The following ZNF699 variants were observed in gnomAD, a reference collection of about 807,000 sequenced individuals.
ZNF699 encodes zinc finger protein 699, also known as hangover homolog.
A neutral mutation model predicts 22.5 loss-of-function variants in ZNF699; 18 were observed. That is an observed-to-expected ratio of 0.80 (90% CI 0.55 to 1.19). The LOEUF (loss-of-function observed/expected upper bound fraction) is 1.19. Ranked by LOEUF, ZNF699 falls within the 50% of genes most tolerant of loss-of-function variation. The pLI is 0.00. For missense variants in ZNF699, 670 were observed against 763.4 expected, an observed-to-expected ratio of 0.88 and a Z score of 1.44; for synonymous variants, 241 against 262.3, an observed-to-expected ratio of 0.92 and a Z score of 0.78.
At chr19:9,299,968 A>G (rs776479891) in intron 3 of ZNF699, among the ~76,000 whole-genome samples, 5 of 152,228 alleles carry the variant, frequency 3.3e-5, no homozygotes, top group South Asian at 2.1e-4. Flanking sequence ...GCTCAACATC[A>G]TAAGTCATCA....
rs1372293776 is a variant in ZNF699, at chr19:9,296,033, A to C, written c.1371T>G (p.Ser457Arg). Residue 457 changes from serine to arginine, a missense_variant, in exon 6 of 6, where the codon AGT becomes AGG. By Grantham distance (110) the Ser-to-Arg change is moderately radical. Coordinates refer to ENST00000591998, the MANE Select transcript of ZNF699 (RefSeq NM_198535.3). ...YECKECGKAFSCPSSFRAHVR... is the reference protein window; with the variant it reads ...YECKECGKAFRCPSSFRAHVR... ...CATGTGCTCTAAAGGACGAGGGACA[A>C]CTAAAGGCCTTCCCACATTCCTTAC... 1 of 1,613,864 alleles carries C rather than the reference A, an allele frequency of 6.2e-7. No individual in the cohort carries two copies. The highest frequency in any genetic ancestry group is 8.5e-7 in the Non-Finnish European group (1 of 1,179,988).
Position 9,297,255 on chromosome 19 carries a change from C to G in ZNF699, c.470+41G>C. 5.2e-6 allele frequency: 8 copies of G among 1,529,056 alleles called. No individual in the cohort carries two copies. Among genetic ancestry groups the G allele is most frequent in the Non-Finnish European group, 6.1e-6 (7 of 1,143,000 alleles). The allele number at this position is 1,529,056 out of a possible 1,614,324, so 94.7% of individuals were successfully genotyped here. A position where few individuals can be genotyped will look rare whatever the true frequency, so the allele number is the denominator to read the frequency against. ...ATTTCATGACTTTAATTTTAAGATT[C>G]TCTCCTGAGGCACTTTCTCTTTCTC... On this transcript the variant is annotated intron_variant, in intron 5 of 5. Coordinates refer to ENST00000591998, the MANE Select transcript of ZNF699 (RefSeq NM_198535.3). This position sits in a 1 kb window ranked among gnomAD's most constrained non-coding sequence, Gnocchi z 4.3.
chr19:9,304,055 A>G (rs1424423535), intron 2 of ZNF699, among the ~76,000 whole-genome samples: 2 of 152,092 alleles, frequency 1.3e-5, no homozygotes, highest in Non-Finnish European at 2.9e-5. Context: ...TCCTGACCTC[A>G]GGCAGTCTGC....
chr19:9,305,485 A>C (rs1568347153), intron 1 of ZNF699, among the ~76,000 whole-genome samples: 2 of 152,188 alleles, frequency 1.3e-5, no homozygotes, highest in African/African-American at 4.8e-5. Context: ...AAAAAGTATA[A>C]AATGTATCAG....
At position 9,295,955 on chromosome 19, in the gene ZNF699, G is replaced by T. The variant is rs746603760; in HGVS notation, c.1449C>A (p.Thr483=). ...IQYECKECGK[T]FSRSSSLTEH... The stretch of plus-strand genomic sequence containing the variant: ...CGGTGAGGGATGAGGAACGACTAAA[G>T]GTCTTCCCACACTCCTTACATTCAT... Residue 483 remains threonine, a synonymous_variant, in exon 6 of 6, where the codon ACC becomes ACA. Coordinates refer to ENST00000591998, the MANE Select transcript of ZNF699 (RefSeq NM_198535.3). 1.2e-6 allele frequency: 2 copies of T among 1,613,822 alleles called. No homozygotes were observed. Among genetic ancestry groups the T allele is most frequent in the Non-Finnish European group, 1.7e-6 (2 of 1,179,972 alleles).
rs1415222637 is a variant in ZNF699, at chr19:9,293,123, C to T, written c.*2352G>A. ...GCACTCCAACCTGGGCACAAGAGTC[C>T]GTCTCAAAAAAAAAAAAAAAGAAAA... On this transcript the variant is annotated 3_prime_UTR_variant, in exon 6 of 6. Transcript: ENST00000591998. Among the ~76,000 whole-genome samples the T allele has an allele frequency of 7.4e-6, 1 of 135,456 alleles. No individual in the cohort carries two copies. The highest frequency in any genetic ancestry group is 1.5e-5 in the Non-Finnish European group (1 of 65,000). 88.9% of individuals were successfully genotyped at this position (135,456 alleles called of 152,430 possible).
chr19:9,303,844 G>A (rs1399594914), intron 2 of ZNF699, among the ~76,000 whole-genome samples: 1 of 151,160 alleles, frequency 6.6e-6, no homozygotes, highest in Non-Finnish European at 1.5e-5. Context: ...TTGAGATGGG[G>A]TCTCGCTCTG....
intron 2 of ZNF699, 78 bp downstream of exon 2, chr19:9,304,994 T>C: frequency 8.6e-7 from 1 of 1,157,498 alleles, no homozygotes; most frequent in Non-Finnish European, 1.3e-6. Context: ...AAGAGATTGC[T>C]GGCTTGTGCC....
At chr19:9,299,445 A>G (rs184246419) in intron 3 of ZNF699, among the ~76,000 whole-genome samples, 1 of 149,788 alleles carries the variant, frequency 6.7e-6, no homozygotes. Context: ...GACATTTTTA[A>G]TTTTTTTTTT....
intron 3 of ZNF699, among the ~76,000 whole-genome samples, chr19:9,302,089 A>G (rs1407379165): frequency 3.3e-5 from 5 of 152,014 alleles, no homozygotes; most frequent in African/African-American, 1.2e-4. Flanking sequence ...TTTAGTAGAG[A>G]CGGGGTTTCT....
chr19:9,306,530 CTG>C lies in ZNF699; in HGVS notation c.-5-1408_-5-1407del, dbSNP rs748811215. Among the ~76,000 whole-genome samples the C allele has an allele frequency of 5.1e-4, 78 of 152,212 alleles. 1 individual carries two copies. The highest frequency in any genetic ancestry group is 9.2e-4 in the Admixed American group (14 of 15,276). The stretch of plus-strand genomic sequence containing the variant: ...AGCATTTTAAAAAGCCAATAAAAAA[CTG>C]TAACATTCTTTGCTGTATTAGTAAC... On this transcript the variant is annotated intron_variant, in intron 1 of 5. Coordinates refer to ENST00000591998, the MANE Select transcript of ZNF699 (RefSeq NM_198535.3).
In ZNF699 at chr19:9,296,629, C is replaced by T. The variant is rs903358434; in HGVS notation, c.775G>A (p.Ala259Thr). The T allele has an allele frequency of 5.0e-6, 8 of 1,614,126 alleles. No individual in the cohort carries two copies. Among genetic ancestry groups the T allele is most frequent in the Non-Finnish European group, 5.9e-6 (7 of 1,180,024 alleles). ...KPYECKECTKAFSCSSFFRAH... is the reference protein window; with the variant it reads ...KPYECKECTKTFSCSSFFRAH... Reference sequence around the variant, plus strand: ...CTAAAGAATGAGGAACAGCTGAAGGCTTTGGTACATTCCTTACATTCATAG... The same window carrying T: ...CTAAAGAATGAGGAACAGCTGAAGGTTTTGGTACATTCCTTACATTCATAG... Residue 259 changes from alanine to threonine, a missense_variant, in exon 6 of 6, where the codon GCC becomes ACC. Transcript: ENST00000591998.
rs1322514139 is a variant in ZNF699 at position 9,296,323 on chromosome 19, T to A, written c.1081A>T (p.Lys361Ter). The A allele has an allele frequency of 1.2e-6, 2 of 1,613,764 alleles. No individual in the cohort carries two copies. The highest frequency in any genetic ancestry group is 1.3e-5 in the African/African-American group (1 of 74,842). Reference sequence around the variant, plus strand: ...CCACACTCTTTACATTCATAAGGCTTCTCTCCAGTGTGAATTCTTATATGT... The same window carrying A: ...CCACACTCTTTACATTCATAAGGCTACTCTCCAGTGTGAATTCTTATATGT... Reference protein sequence around the residue: ...IIHIRIHTGEKPYECKECGKA... With the variant: ...IIHIRIHTGE Residue 361 changes from lysine to a stop codon, truncating the protein, a stop_gained, in exon 6 of 6, where the codon AAG (lysine) becomes TAG (stop). Transcript: ENST00000591998. LOFTEE classifies it low-confidence loss of function (END_TRUNC).
intron 3 of ZNF699, among the ~76,000 whole-genome samples, chr19:9,298,596 TCA>T (rs1255921813): frequency 6.6e-6 from 1 of 152,106 alleles, no homozygotes; most frequent in Non-Finnish European, 1.5e-5. Flanking sequence ...ATAAATAATC[TCA>T]CAAAATACTA....
rs879166356 is a variant in ZNF699, at chr19:9,295,187, A to G, written c.*288T>C. 2.3e-5 allele frequency: 9 copies of G among 384,986 alleles called. No homozygotes were observed. In the Admixed American group the frequency reaches 2.4e-4, roughly 10 times the overall value. 23.8% of individuals were successfully genotyped at this position (384,986 alleles called of 1,614,324 possible). On this transcript the variant is annotated 3_prime_UTR_variant, in exon 6 of 6. Coordinates refer to ENST00000591998, the MANE Select transcript of ZNF699 (RefSeq NM_198535.3). ...TGAAAAGGTAAATTTATCACCTTCA[A>G]TGTTCCTATCAGAAAACACTGGTAA...
Position 9,296,162 on chromosome 19 carries a change from AGT to A in ZNF699, c.1240_1241del (p.Thr414TrpfsTer6). On this transcript the variant is annotated frameshift_variant, in exon 6 of 6. Transcript: ENST00000591998. LOFTEE classifies it low-confidence loss of function (END_TRUNC). ...SSLSIHMRKH[T>X]GEKPYECLEC... ...CCAGACATTCATACGGTTTTTCTCC[AGT>A]GTGTTTTCTCATATGGATACTTAAG... 6.2e-7 allele frequency: 1 copy of A among 1,613,942 alleles called. No homozygotes were observed. The highest frequency in any genetic ancestry group is 8.5e-7 in the Non-Finnish European group (1 of 1,179,968).
At position 9,297,863 on chromosome 19, in the gene ZNF699, C is replaced by G; in HGVS notation, c.286+17G>C. On this transcript the variant is annotated intron_variant, in intron 4 of 5. Transcript: ENST00000591998. The surrounding 1 kb of genome is among the most constrained non-coding windows in gnomAD (Gnocchi z 4.3). ...TTTTTTCCCCCAACCAAAACAGTTT[C>G]TCCCAAGGGTTCTTGCCTTCCCGGT... 2 of 1,589,066 alleles carry G rather than the reference C, an allele frequency of 1.3e-6. No homozygotes were observed. Among genetic ancestry groups the G allele is most frequent in the Non-Finnish European group, 1.7e-6 (2 of 1,158,936 alleles).
chr19:9,295,467 C>T lies in ZNF699; in HGVS notation c.*8G>A. The T allele has an allele frequency of 6.3e-7, 1 of 1,596,674 alleles. No individual in the cohort carries two copies. The highest frequency in any genetic ancestry group is 1.1e-5 in the South Asian group (1 of 88,124). ...GAAGCTTTGCAGACATTCCCATATTCCTTACATTTATATGTTTTCTCTAGT... is the reference window on the plus strand; with the variant it reads ...GAAGCTTTGCAGACATTCCCATATTTCTTACATTTATATGTTTTCTCTAGT... On this transcript the variant is annotated 3_prime_UTR_variant, in exon 6 of 6. Coordinates refer to ENST00000591998, the MANE Select transcript of ZNF699 (RefSeq NM_198535.3).
At chr19:9,306,419 C>T (rs1026152146) in intron 1 of ZNF699, among the ~76,000 whole-genome samples, 3 of 151,646 alleles carry the variant, frequency 2.0e-5, no homozygotes. Context: ...TGACCTGTGT[C>T]AGCCCTGATG....
Sources: allele counts gnomAD v4.1 joint callset (sites outside exome capture counted in the v4.1 genomes callset), GRCh38; gene constraint gnomAD v4.1.1; non-coding constraint Gnocchi (gnomAD v3.1); transcripts MANE v1.5; gene names NCBI Gene and HGNC (gene_info 2026-07-23, HGNC 2026-07-21).